Variants in POF1B observed in about 807,000 individuals in gnomAD.
The protein encoded by POF1B is POF1B actin binding protein.
In POF1B, 53 loss-of-function variants were observed where a neutral mutation model predicts 55.3. The observed-to-expected ratio is 0.96, with a 90% CI of 0.77 to 1.20. The LOEUF (loss-of-function observed/expected upper bound fraction) is 1.20, where lower values mean the gene tolerates loss of function less well. POF1B is among the 50% of genes most tolerant of loss of function. POF1B has a pLI of 0.00. For synonymous variants in POF1B, 188 were observed against 148.3 expected (o/e 1.27, Z -1.95); for missense variants, 478 against 420.5 (o/e 1.14, Z -1.20).
intron 6 of POF1B, 53 bp from the exon 7 acceptor site, chrX:85,331,132 A>C: frequency 4.5e-6 from 5 of 1,107,594 alleles, no homozygotes; most frequent in African/African-American, 1.8e-5. Flanking sequence ...TTCTAAGTTC[A>C]TAGATATTTT....
At chrX:85,293,257 C>G (rs1023641260) in intron 15 of POF1B, among the ~76,000 whole-genome samples, 17 of 111,894 alleles carry the variant, frequency 1.5e-4, no homozygotes, top group Non-Finnish European at 3.8e-5. Context: ...CAATAGCAGA[C>G]ATGGAATCAA....
intron 4 of POF1B, among the ~76,000 whole-genome samples, chrX:85,354,944 T>C (rs1274179669): frequency 9.0e-6 from 1 of 111,179 alleles, no homozygotes; most frequent in African/African-American, 3.3e-5. Context: ...CTTCACGGAA[T>C]TGGAAAAAGC....
At chrX:85,342,813 G>T (rs1933196845) in intron 6 of POF1B, among the ~76,000 whole-genome samples, 1 of 111,229 alleles carries the variant, frequency 9.0e-6, no homozygotes, top group Non-Finnish European at 1.9e-5. Flanking sequence ...CACTACAGGG[G>T]ACATGTAAAC....
intron 7 of POF1B, among the ~76,000 whole-genome samples, chrX:85,321,966 A>G (rs761780767): frequency 0.013 from 1,430 of 110,765 alleles, 13 homozygotes; most frequent in Non-Finnish European, 0.022. Context: ...ATGGAAGAAC[A>G]TTCCATGTTC....
intron 2 of POF1B, among the ~76,000 whole-genome samples, chrX:85,375,057 T>C (rs1482252702): frequency 9.0e-6 from 1 of 111,481 alleles, no homozygotes; most frequent in African/African-American, 3.3e-5. Context: ...TATTGGGTTC[T>C]TTCTCTTCTT....
chrX:85,344,807 G>A (rs1287557423), intron 6 of POF1B, among the ~76,000 whole-genome samples: 1 of 111,087 alleles, frequency 9.0e-6, no homozygotes, highest in African/African-American at 3.3e-5. Context: ...GTAGAGATAA[G>A]GGTCTCACTA....
intron 9 of POF1B, among the ~76,000 whole-genome samples, chrX:85,309,208 GT>G (rs775757215): frequency 9.1e-6 from 1 of 109,767 alleles, no homozygotes; most frequent in South Asian, 4.0e-4. Context: ...TTTACATAGA[GT>G]GTACACCAAG....
In POF1B at chrX:85,281,868, A is replaced by G. The variant is rs944131379; in HGVS notation, c.1764+335T>C. 8.2e-5 allele frequency among the ~76,000 whole-genome samples: 9 copies of G among 110,214 alleles called. No homozygotes were observed. The East Asian group carries it at 2.6e-3, about 31-fold the overall frequency. On this transcript the variant is annotated intron_variant, in intron 16 of 16. Transcript: ENST00000262753. Reference sequence around the variant, plus strand: ...GATATTTGCTACCTGCTTTAGAAAAAGGGAAACTGTTTTGGAAAATTTTAA... The same window carrying G: ...GATATTTGCTACCTGCTTTAGAAAAGGGGAAACTGTTTTGGAAAATTTTAA...
At chrX:85,298,578 C>T (rs1487851497) in intron 15 of POF1B, among the ~76,000 whole-genome samples, 1 of 111,603 alleles carries the variant, frequency 9.0e-6, no homozygotes, top group African/African-American at 3.3e-5. Context: ...TGTTTTCTCT[C>T]CAAAGATCTG....
At chrX:85,308,641 T>C (rs1932629038) in intron 9 of POF1B, among the ~76,000 whole-genome samples, 1 of 111,769 alleles carries the variant, frequency 8.9e-6, no homozygotes, top group Non-Finnish European at 1.9e-5. Flanking sequence ...AGTTTAACTT[T>C]AAAGTATAGA....
chrX:85,284,065 C>T, intron 15 of POF1B, among the ~76,000 whole-genome samples: 1 of 110,907 alleles, frequency 9.0e-6, no homozygotes, highest in Non-Finnish European at 1.9e-5. Flanking sequence ...ACAATTGCTT[C>T]AAAGAGAATA....
At chrX:85,360,527 GTA>G (rs142665633) in intron 3 of POF1B, among the ~76,000 whole-genome samples, 28,556 of 57,962 alleles carry the variant, frequency 0.49, 6,113 homozygotes, top group Non-Finnish European at 0.56. Context: ...TCCATGGTAT[GTA>G]TATATATATA....
At position 85,304,343 on chromosome X, in the gene POF1B, C is replaced by A; in HGVS notation, c.1566G>T (p.Glu522Asp). The change falls in exon 14 of 17, where the codon GAG becomes GAT. Residue 522 changes from glutamate (E) to aspartate (D), a missense_variant and splice_region_variant. Coordinates refer to ENST00000262753, the MANE Select transcript of POF1B (RefSeq NM_024921.4). ...CCATCCCCACCCCTTCCTTTTATAC[C>A]TCTGACTGACGCTTTATGAGGGAAT... Reference protein sequence around the residue: ...EKDSLIKRQSEELSKLRQEIY... With the variant: ...EKDSLIKRQSDELSKLRQEIY... 1 of 1,180,515 alleles carries A rather than the reference C, an allele frequency of 8.5e-7. No homozygotes were observed. The highest frequency in any genetic ancestry group is 2.3e-5 in the Admixed American group (1 of 43,105).
In POF1B at chrX:85,331,075, A is replaced by G; in HGVS notation, c.728T>C (p.Ile243Thr). The G allele has an allele frequency of 8.3e-7, 1 of 1,202,829 alleles. No homozygotes were observed. The highest frequency in any genetic ancestry group is 1.1e-6 in the Non-Finnish European group (1 of 891,425). The change falls in exon 7 of 17, where the codon ATA (isoleucine) becomes ACA (threonine). Residue 243 changes from isoleucine to threonine, a missense_variant. Physicochemically the swap from Ile to Thr is moderately conservative, Grantham distance 89. Coordinates refer to ENST00000262753, the MANE Select transcript of POF1B (RefSeq NM_024921.4). ...TTTTTCAGGGCCATCATCCTGAATT[A>G]TCACCTGAAGCAAACATCAATCACA... ...SGSSQICEQV[I>T]IQDDGPEKLD... is the part of the protein sequence containing the mutation.
At chrX:85,360,697 A>G (rs1281666505) in intron 3 of POF1B, among the ~76,000 whole-genome samples, 1 of 107,634 alleles carries the variant, frequency 9.3e-6, no homozygotes, top group Non-Finnish European at 1.9e-5. Context: ...TCCTTAGGAT[A>G]TATACCCAGT....
chrX:85,336,663 AT>A (rs1242693509), intron 6 of POF1B, among the ~76,000 whole-genome samples: 1 of 110,542 alleles, frequency 9.0e-6, no homozygotes, highest in Non-Finnish European at 1.9e-5. Flanking sequence ...AAATTATTAG[AT>A]TTTTTTCCTA....
intron 7 of POF1B, among the ~76,000 whole-genome samples, chrX:85,325,874 T>C (rs1231559830): frequency 1.8e-5 from 2 of 111,466 alleles, no homozygotes; most frequent in East Asian, 2.8e-4. Flanking sequence ...CTGTTTGGTG[T>C]CCTTGGAGGT....
At chrX:85,374,346 T>C (rs1933885517) in intron 2 of POF1B, among the ~76,000 whole-genome samples, 1 of 111,465 alleles carries the variant, frequency 9.0e-6, no homozygotes, top group Non-Finnish European at 1.9e-5. Context: ...AGTCAAGACC[T>C]GTTGGCTTCA....
chrX:85,366,882 T>C (rs886522222), intron 3 of POF1B, among the ~76,000 whole-genome samples: 1 of 111,795 alleles, frequency 8.9e-6, no homozygotes, highest in Non-Finnish European at 1.9e-5. Context: ...AGGGAAACTT[T>C]TCTTTGATAA....
Sources: allele counts gnomAD v4.1 joint callset (sites outside exome capture counted in the v4.1 genomes callset), GRCh38; gene constraint gnomAD v4.1.1; transcripts MANE v1.5; gene names NCBI Gene and HGNC (gene_info 2026-07-23, HGNC 2026-07-21).